ANKFN1: variants seen among roughly 807,000 people sequenced by gnomAD.
ANKFN1 encodes ankyrin repeat and fibronectin type-III domain-containing protein 1.
In ANKFN1, 74 loss-of-function variants were observed where a neutral mutation model predicts 108.7. The ratio of observed to expected loss-of-function variants is 0.68; its 90% CI spans 0.56 to 0.83. The LOEUF is 0.83. Among genes scored for constraint, ANKFN1 ranks in the 40% least tolerant of loss-of-function variants. The pLI, the probability that ANKFN1 is intolerant of heterozygous loss-of-function variation, is 0.00. For synonymous variants in ANKFN1, 547 were observed against 516.2 expected, an observed-to-expected ratio of 1.06 and a Z score of -0.81; for missense variants, 1,505 against 1,382.3, an observed-to-expected ratio of 1.09 and a Z score of -1.41.
At chr17:56,133,528 CTGTGTGTGTGTGTGTGTGTGTGTGTGTG>C (rs10598270) in intron 4 of ANKFN1, among the ~76,000 whole-genome samples, 1 of 146,330 alleles carries the variant, frequency 6.8e-6, no homozygotes, top group Non-Finnish European at 1.5e-5. Context: ...ATGTGTATAC[CTGTGTGTGTGTGTGTGTGTGTGTGTGTG>C]TGTGTGTGTG....
At chr17:56,480,547 A>T in intron 16 of ANKFN1, 121 bp from the exon 17 acceptor site, 1 of 1,044,342 alleles carries the variant, frequency 9.6e-7, no homozygotes, top group Non-Finnish European at 1.4e-6. Context: ...TTCATGAATT[A>T]CACTGAGTTT....
intron 3 of ANKFN1, among the ~76,000 whole-genome samples, chr17:56,283,445 C>T (rs770049754): frequency 4.6e-5 from 7 of 151,688 alleles, no homozygotes; most frequent in South Asian, 4.1e-4. Context: ...ATATGTTTAT[C>T]GCTATAAACA....
chr17:56,415,515 G>T (rs544111450), intron 8 of ANKFN1, among the ~76,000 whole-genome samples: 13 of 152,182 alleles, frequency 8.5e-5, no homozygotes, highest in African/African-American at 3.1e-4. Flanking sequence ...AAAAGTGAAA[G>T]ATCTCTACAA....
At chr17:56,079,264 A>G (rs932061156) in intron 4 of ANKFN1, among the ~76,000 whole-genome samples, 1 of 152,220 alleles carries the variant, frequency 6.6e-6, no homozygotes, top group Non-Finnish European at 1.5e-5. Flanking sequence ...CCTCCATAGC[A>G]TCAGAAAGCA....
At chr17:56,165,211 G>A (rs1257110818) in intron 1 of ANKFN1, among the ~76,000 whole-genome samples, 1 of 152,142 alleles carries the variant, frequency 6.6e-6, no homozygotes, top group Non-Finnish European at 1.5e-5. Context: ...GGGTCACGTA[G>A]GACCTGTTTC....
At chr17:56,216,653 A>G (rs1915445025) in intron 2 of ANKFN1, among the ~76,000 whole-genome samples, 1 of 152,224 alleles carries the variant, frequency 6.6e-6, no homozygotes, top group African/African-American at 2.4e-5. Context: ...GCTCTGCTAG[A>G]AAAAGCATAA....
chr17:56,380,654 G>A (rs1172755749), intron 8 of ANKFN1, among the ~76,000 whole-genome samples: 1 of 152,200 alleles, frequency 6.6e-6, no homozygotes, highest in Admixed American at 6.5e-5. Flanking sequence ...GGCTCAGAGG[G>A]TCCTACGCCC....
intron 3 of ANKFN1, among the ~76,000 whole-genome samples, chr17:56,240,387 T>C (rs1394875273): frequency 6.6e-6 from 1 of 152,138 alleles, no homozygotes; most frequent in East Asian, 1.9e-4. Context: ...CTATTTTATC[T>C]CTAGGTAGTA....
intron 4 of ANKFN1, among the ~76,000 whole-genome samples, chr17:56,082,443 A>C (rs72827497): frequency 0.05 from 7,383 of 148,648 alleles, 206 homozygotes; most frequent in Middle Eastern, 0.09. Context: ...CACACACACA[A>C]AAAAAAACCA....
chr17:56,413,927 C>T (rs966052996), intron 8 of ANKFN1, among the ~76,000 whole-genome samples: 1 of 152,180 alleles, frequency 6.6e-6, no homozygotes, highest in Non-Finnish European at 1.5e-5. Context: ...ATCCGCCCAC[C>T]TCATCCTCCC....
chr17:56,103,797 A>G (rs1414427559), intron 4 of ANKFN1, among the ~76,000 whole-genome samples: 1 of 152,212 alleles, frequency 6.6e-6, no homozygotes, highest in Non-Finnish European at 1.5e-5. Flanking sequence ...TTATGTACAG[A>G]GTTGCAGGGC....
At chr17:56,209,561 A>G (rs1283886373) in intron 1 of ANKFN1, among the ~76,000 whole-genome samples, 1 of 152,238 alleles carries the variant, frequency 6.6e-6, no homozygotes, top group Non-Finnish European at 1.5e-5. Context: ...AATTCTCTTT[A>G]ACCATTATCT....
At chr17:56,269,904 T>A (rs1485827696) in intron 3 of ANKFN1, among the ~76,000 whole-genome samples, 1 of 152,130 alleles carries the variant, frequency 6.6e-6, no homozygotes, top group Admixed American at 6.5e-5. Context: ...ACCCTTGTGT[T>A]TCATTTTTAA....
chr17:56,107,610 C>G (rs1905775600), intron 4 of ANKFN1, among the ~76,000 whole-genome samples: 1 of 152,160 alleles, frequency 6.6e-6, no homozygotes, highest in African/African-American at 2.4e-5. Context: ...AGTGTTCTCT[C>G]TTATCACACC....
At chr17:56,156,586 A>G (rs1313145773) in intron 1 of ANKFN1, 1 of 152,226 alleles carries the variant, frequency 6.6e-6, no homozygotes, top group Non-Finnish European at 1.5e-5. Context: ...GGTGGGTTTC[A>G]TATATTATCC....
intron 1 of ANKFN1, chr17:56,174,254 C>T: frequency 1.0e-6 from 1 of 985,572 alleles, no homozygotes; most frequent in Non-Finnish European, 1.2e-6. Context: ...TGTGAGCCCA[C>T]TCAGCCCTCC....
chr17:56,463,139 G>A (rs1299825069), intron 14 of ANKFN1, among the ~76,000 whole-genome samples: 1 of 152,182 alleles, frequency 6.6e-6, no homozygotes, highest in Non-Finnish European at 1.5e-5. Flanking sequence ...TTATTTAACA[G>A]ACTAGGTGCC....
chr17:56,436,497 C>G (rs1369699572), intron 8 of ANKFN1, among the ~76,000 whole-genome samples: 1 of 152,124 alleles, frequency 6.6e-6, no homozygotes, highest in Non-Finnish European at 1.5e-5. Context: ...ATACAACTTT[C>G]CAAAGAGAAC....
intron 3 of ANKFN1, among the ~76,000 whole-genome samples, chr17:56,314,516 CT>C (rs1277451683): frequency 6.6e-6 from 1 of 152,072 alleles, no homozygotes; most frequent in Non-Finnish European, 1.5e-5. Flanking sequence ...TATTGAGCAC[CT>C]TTTTATGTGC....
Sources: allele counts gnomAD v4.1 joint callset (sites outside exome capture counted in the v4.1 genomes callset), GRCh38; gene constraint gnomAD v4.1.1; transcripts MANE v1.5; gene names NCBI Gene and HGNC (gene_info 2026-07-23, HGNC 2026-07-21).